Variants in CENPO observed in about 807,000 individuals in gnomAD.
CENPO encodes centromeric protein O.
A neutral mutation model predicts 36.1 loss-of-function variants in CENPO; 30 were observed. The ratio of observed to expected loss-of-function variants is 0.83; its 90% CI spans 0.62 to 1.13. The LOEUF (loss-of-function observed/expected upper bound fraction) is 1.13. CENPO is among the 50% of genes most tolerant of loss of function. CENPO has a pLI of 0.00. For synonymous variants in CENPO, 171 were observed against 142.3 expected (o/e 1.20, Z -1.44); for missense variants, 349 against 357.8 (o/e 0.98, Z 0.20).
At chr2:24,813,116 C>T (rs1437424973) in intron 3 of CENPO, among the ~76,000 whole-genome samples, 2 of 151,910 alleles carry the variant, frequency 1.3e-5, no homozygotes, top group African/African-American at 4.8e-5. Flanking sequence ...CGTGGTGGCG[C>T]ACACCTGTAA....
chr2:24,805,726 T>C (rs953829728), intron 3 of CENPO, among the ~76,000 whole-genome samples: 6 of 152,202 alleles, frequency 3.9e-5, no homozygotes. Flanking sequence ...GAGGTGTCAG[T>C]CTGCCTCTAC....
At chr2:24,793,551 C>A in intron 1 of CENPO, 50 bp downstream of exon 1, 4 of 1,522,748 alleles carry the variant, frequency 2.6e-6, no homozygotes, top group Non-Finnish European at 3.5e-6. Flanking sequence ...CGGACCGGAC[C>A]GTGGCCAGGG....
At chr2:24,805,736 C>T (rs1666372151) in intron 3 of CENPO, among the ~76,000 whole-genome samples, 1 of 152,218 alleles carries the variant, frequency 6.6e-6, no homozygotes, top group Non-Finnish European at 1.5e-5. Context: ...TCTGCCTCTA[C>T]TGGGGGATGC....
intron 2 of CENPO, among the ~76,000 whole-genome samples, chr2:24,799,470 C>T (rs947902238): frequency 7.2e-5 from 11 of 152,100 alleles, no homozygotes; most frequent in Non-Finnish European, 1.5e-4. Flanking sequence ...TTTTACATCA[C>T]TCTCCAACCT....
intron 7 of CENPO, among the ~76,000 whole-genome samples, chr2:24,818,361 A>G (rs1253161461): frequency 1.3e-5 from 2 of 152,148 alleles, no homozygotes; most frequent in African/African-American, 2.4e-5. Context: ...TAATGAAGAT[A>G]ATAAGGAAGA....
intron 3 of CENPO, among the ~76,000 whole-genome samples, chr2:24,804,026 A>G (rs138162331): frequency 0.13 from 19,870 of 152,206 alleles, 1,370 homozygotes; most frequent in East Asian, 0.21. Flanking sequence ...TATTGGGTGC[A>G]TATATATTTA....
intron 2 of CENPO, among the ~76,000 whole-genome samples, chr2:24,795,556 G>A (rs1665862219): frequency 6.6e-6 from 1 of 152,184 alleles, no homozygotes; most frequent in Non-Finnish European, 1.5e-5. Flanking sequence ...GCAGGTTTGA[G>A]AGCCTGAGAA....
chr2:24,808,316 C>G (rs1572734561), intron 3 of CENPO, among the ~76,000 whole-genome samples: 1 of 152,146 alleles, frequency 6.6e-6, no homozygotes, highest in South Asian at 2.1e-4. Context: ...TCAAGAGATT[C>G]TTCTGCCTCA....
chr2:24,803,772 G>A (rs567377347), intron 3 of CENPO, among the ~76,000 whole-genome samples: 3 of 152,282 alleles, frequency 2.0e-5, no homozygotes, highest in African/African-American at 7.2e-5. Context: ...TTTGGAATAG[G>A]TGTGGTGTGG....
At chr2:24,796,011 A>G (rs1239387959) in intron 2 of CENPO, among the ~76,000 whole-genome samples, 2 of 152,170 alleles carry the variant, frequency 1.3e-5, no homozygotes, top group South Asian at 4.1e-4. Context: ...GAGCCAAGTG[A>G]ATGTAATCTC....
intron 2 of CENPO, among the ~76,000 whole-genome samples, chr2:24,798,350 C>T (rs1017835035): frequency 6.6e-6 from 1 of 151,940 alleles, no homozygotes; most frequent in African/African-American, 2.4e-5. Flanking sequence ...GAAATGAACA[C>T]AGCAGAGAAA....
rs551787309 is a variant in CENPO, at chr2:24,820,648, G to C, written c.*1330G>C. 1.3e-6 allele frequency: 2 copies of C among 1,587,218 alleles called. No individual in the cohort carries two copies. The highest frequency in any genetic ancestry group is 3.4e-4 in the Middle Eastern group (2 of 5,934). ...TTCAGGGCCAGGGTGGGAGGCAGGG[G>C]CACGTGGGAAAGCACTGTTCCGGTT... On this transcript the variant is annotated 3_prime_UTR_variant, in exon 8 of 8. Transcript: ENST00000380834.
At position 24,821,044 on chromosome 2, in the gene CENPO, G is replaced by A. The variant is rs941663286; in HGVS notation, c.*1726G>A. The A allele has an allele frequency of 2.0e-5, 14 of 702,280 alleles. No homozygotes were observed. Among genetic ancestry groups the A allele is most frequent in the African/African-American group, 5.9e-5 (3 of 51,140 alleles). The allele number at this position is 702,280 out of a possible 1,614,324, so 43.5% of individuals were successfully genotyped here. On this transcript the variant is annotated 3_prime_UTR_variant, in exon 8 of 8. Transcript: ENST00000380834. ...TCCGTGTGCTTGTTAGGTGTCAGCCGCCACCCCCCCCCCATATGCAGATTT... is the reference window on the plus strand; with the variant it reads ...TCCGTGTGCTTGTTAGGTGTCAGCCACCACCCCCCCCCCATATGCAGATTT...
intron 3 of CENPO, among the ~76,000 whole-genome samples, chr2:24,803,665 G>A (rs1173050013): frequency 1.3e-5 from 2 of 152,108 alleles, no homozygotes; most frequent in East Asian, 3.8e-4. Flanking sequence ...ATCCTGAGTT[G>A]TAGTTTGATT....
intron 1 of CENPO, 57 bp from the exon 2 acceptor site, chr2:24,793,795 G>C: frequency 1.5e-6 from 2 of 1,319,908 alleles, no homozygotes; most frequent in African/African-American, 1.4e-5. Flanking sequence ...GTGCCCTGCC[G>C]TCTGGGTTTG....
intron 3 of CENPO, among the ~76,000 whole-genome samples, chr2:24,806,516 T>C (rs967565587): frequency 6.6e-6 from 1 of 152,260 alleles, no homozygotes; most frequent in South Asian, 2.1e-4. Context: ...AGGCAAGTTC[T>C]TCCTGACAGG....
intron 2 of CENPO, 88 bp from the exon 3 acceptor site, chr2:24,799,587 G>T: frequency 2.1e-6 from 2 of 935,212 alleles, no homozygotes; most frequent in Non-Finnish European, 3.1e-6. Flanking sequence ...AAAAAAAAAA[G>T]AGTCACCTGT....
chr2:24,806,315 G>A (rs1558374753), intron 3 of CENPO, among the ~76,000 whole-genome samples: 1 of 152,216 alleles, frequency 6.6e-6, no homozygotes, highest in African/African-American at 2.4e-5. Flanking sequence ...CACTCGGTGT[G>A]CTGCAACCAC....
At position 24,799,821 on chromosome 2, in the gene CENPO, G is replaced by C. The variant is rs767228971; in HGVS notation, c.193G>C (p.Val65Leu). ...GCGTCTGCGAGATGAGCTGAGGGCT[G>C]TGGTGCGGCACCGGCGAGCCAGCGT... ...LRRLRDELRAVVRHRRASVKA... is the reference protein window; with the variant it reads ...LRRLRDELRALVRHRRASVKA... The change falls in exon 3 of 8, where the codon GTG becomes CTG. Residue 65 changes from valine to leucine, a missense_variant. Val to Leu is a conservative substitution (Grantham distance 32, BLOSUM62 1). Transcript: ENST00000380834. 6.2e-7 allele frequency: 1 copy of C among 1,613,440 alleles called. No individual in the cohort carries two copies. The highest frequency in any genetic ancestry group is 1.7e-5 in the Admixed American group (1 of 60,026).
Sources: allele counts gnomAD v4.1 joint callset (sites outside exome capture counted in the v4.1 genomes callset), GRCh38; gene constraint gnomAD v4.1.1; transcripts MANE v1.5; gene names NCBI Gene and HGNC (gene_info 2026-07-23, HGNC 2026-07-21).